CHTF18: variants seen among roughly 807,000 people sequenced by gnomAD.
CHTF18 encodes chromosome transmission fidelity factor 18.
In CHTF18, 151 loss-of-function variants were observed where a neutral mutation model predicts 113.4. The observed-to-expected ratio is 1.33, with a 90% CI of 1.17 to 1.52. The LOEUF is 1.52. Ranked by LOEUF, CHTF18 falls within the 40% of genes most tolerant of loss-of-function variation. CHTF18 has a pLI of 0.00. For missense variants in CHTF18, 1,982 were observed against 1,381.6 expected (o/e 1.43, Z -6.89); for synonymous variants, 916 against 598.8 (o/e 1.53, Z -7.74).
chr16:796,998 G>A lies in CHTF18; in HGVS notation c.2639G>A (p.Gly880Glu). Reference sequence around the variant, plus strand: ...CCCCCAGGGCTCGAGGGTCTGCTGGGGGGCATTGGGGAGAAAGGGGTGCAC... The same window carrying A: ...CCCCCAGGGCTCGAGGGTCTGCTGGAGGGCATTGGGGAGAAAGGGGTGCAC... ...GSPPGLEGLL[G>E]GIGEKGVHRP... The change falls in exon 20 of 22, where the codon GGG becomes GAG. Residue 880 changes from glycine (G) to glutamate (E), a missense_variant. By Grantham distance (98) the Gly-to-Glu change is moderately conservative. Transcript: ENST00000262315. The A allele has an allele frequency of 1.3e-6, 2 of 1,545,960 alleles. No individual in the cohort carries two copies. Among genetic ancestry groups the A allele is most frequent in the Admixed American group, 2.0e-5 (1 of 51,056 alleles).
At position 788,841 on chromosome 16, in the gene CHTF18, G is replaced by A. The variant is rs552832141; in HGVS notation, c.91+66G>A. 111 of 1,531,162 alleles carry A rather than the reference G, an allele frequency of 7.2e-5. No individual in the cohort carries two copies. The African/African-American group carries it at 1.3e-3, about 18-fold the overall frequency. 94.8% of individuals were successfully genotyped at this position (1,531,162 alleles called of 1,614,324 possible). On this transcript the variant is annotated intron_variant, in intron 1 of 21. Coordinates refer to ENST00000262315, the MANE Select transcript of CHTF18 (RefSeq NM_022092.3). ...GCCGGGACAGTGGCGACCTCGGGGA[G>A]GGCGTGCCGGGGGCCGAAGGGGCCT...
intron 18 of CHTF18, 70 bp downstream of exon 18, chr16:796,147 G>T (rs752459818): frequency 1.2e-5 from 19 of 1,538,884 alleles, no homozygotes; most frequent in South Asian, 2.4e-5. Flanking sequence ...TTCAGGGCCC[G>T]CATGGGGCCA....
chr16:792,206 C>T lies in CHTF18; in HGVS notation c.1203-18C>T. ...GGGACGCCCACTGCCCTGACGACCC[C>T]TGACCTCCCCATTGCAGTGACGACC... On this transcript the variant is annotated intron_variant, in intron 9 of 21. Transcript: ENST00000262315. 1.3e-6 allele frequency: 2 copies of T among 1,566,214 alleles called. No homozygotes were observed. Among genetic ancestry groups the T allele is most frequent in the Non-Finnish European group, 1.7e-6 (2 of 1,155,854 alleles).
At position 796,663 on chromosome 16, in the gene CHTF18, T is replaced by C. The variant is rs898050063; in HGVS notation, c.2457-54T>C. 15 of 1,517,450 alleles carry C rather than the reference T, an allele frequency of 9.9e-6. No homozygotes were observed. The South Asian group carries it at 1.5e-4, about 15-fold the overall frequency. 94.0% of individuals were successfully genotyped at this position (1,517,450 alleles called of 1,614,324 possible). A position where few individuals can be genotyped will look rare whatever the true frequency, so the allele number is the denominator to read the frequency against. On this transcript the variant is annotated intron_variant, in intron 18 of 21. Coordinates refer to ENST00000262315, the MANE Select transcript of CHTF18 (RefSeq NM_022092.3). ...GCGGTTGGAGTGCCCGGCGGCTCTC[T>C]GGCCCTGAGCCTGGCCCCGCTGACC...
intron 3 of CHTF18, 52 bp from the exon 4 acceptor site, chr16:789,495 A>C (rs757449076): frequency 5.3e-5 from 83 of 1,556,410 alleles, no homozygotes; most frequent in Non-Finnish European, 6.9e-5. Context: ...ACCCATATCC[A>C]AGGGTGACCC....
intron 14 of CHTF18, 56 bp downstream of exon 14, chr16:793,330 G>A (rs542467777): frequency 1.1e-5 from 18 of 1,582,806 alleles, no homozygotes; most frequent in Admixed American, 5.3e-5. Flanking sequence ...ACCTCAGGAC[G>A]CTAGCCCTGT....
Position 790,270 on chromosome 16 carries a change from G to T in CHTF18, c.699+1G>T, listed in dbSNP as rs199680337. On this transcript the variant is annotated splice_donor_variant, in intron 5 of 21. Transcript: ENST00000262315. LOFTEE classifies it high-confidence loss of function. ...CCTGAAGAAGCAGGTCGACGGCGAGGTAGGGGCTGCGGGTTTGCTGGGGGG... is the reference window on the plus strand; with the variant it reads ...CCTGAAGAAGCAGGTCGACGGCGAGTTAGGGGCTGCGGGTTTGCTGGGGGG... 6.2e-7 allele frequency: 1 copy of T among 1,607,624 alleles called. No individual in the cohort carries two copies. Among genetic ancestry groups the T allele is most frequent in the African/African-American group, 1.3e-5 (1 of 74,812 alleles).
chr16:792,051 GGTGGGGGCCTGGGT>G, intron 9 of CHTF18, 103 bp downstream of exon 9: 1 of 1,544,848 alleles, frequency 6.5e-7, no homozygotes, highest in Admixed American at 2.0e-5. Flanking sequence ...TCTTGAGGGT[GGTGGGGGCCTGGGT>G]GTGTGGGCCG....
chr16:791,592 G>T, intron 8 of CHTF18: 1 of 1,432,006 alleles, frequency 7.0e-7, no homozygotes, highest in Non-Finnish European at 9.1e-7. Context: ...GATGATCTGG[G>T]TGGACGGTGG....
intron 9 of CHTF18, 23 bp from the exon 10 acceptor site, chr16:792,201 G>C (rs1367765344): frequency 6.4e-7 from 1 of 1,561,156 alleles, no homozygotes. Context: ...CTGCCCTGAC[G>C]ACCCCTGACC....
chr16:789,506 C>T (rs756362164), intron 3 of CHTF18, 41 bp from the exon 4 acceptor site: 6 of 1,563,484 alleles, frequency 3.8e-6, no homozygotes, highest in African/African-American at 1.4e-5. Flanking sequence ...AGGGTGACCC[C>T]ACGCTTGAGT....
In CHTF18 at chr16:792,998, A is replaced by G. The variant is rs1057466562; in HGVS notation, c.1605A>G (p.Pro535=). 3 of 1,555,616 alleles carry G rather than the reference A, an allele frequency of 1.9e-6. No homozygotes were observed. The African/African-American group carries it at 4.1e-5, about 21-fold the overall frequency. The part of the protein sequence containing the change: ...VSLRQGMRAD[P]GVLAALCEKT... ...TGCGGCAGGGCATGAGGGCCGACCC[A>G]GGGGTGCTGGCCGCCCTCTGTGAGA... Residue 535 remains proline (P), a synonymous_variant, in exon 13 of 22, where the codon CCA becomes CCG. Coordinates refer to ENST00000262315, the MANE Select transcript of CHTF18 (RefSeq NM_022092.3).
intron 9 of CHTF18, 69 bp from the exon 10 acceptor site, chr16:792,155 C>T: frequency 6.5e-7 from 1 of 1,530,690 alleles, no homozygotes; most frequent in Non-Finnish European, 8.8e-7. Flanking sequence ...ATGCGGCAGC[C>T]CCGGCCTTGG....
intron 8 of CHTF18, 135 bp downstream of exon 8, chr16:791,505 G>C: frequency 1.4e-6 from 2 of 1,443,430 alleles, no homozygotes; most frequent in South Asian, 1.5e-5. Context: ...AGCGCCATTA[G>C]CGTGAGTTAG....
In CHTF18 at chr16:789,304, G is replaced by C. The variant is rs184555764; in HGVS notation, c.381G>C (p.Pro127=). Residue 127 remains proline (P), a synonymous_variant, in exon 3 of 22, where the codon CCG becomes CCC. Transcript: ENST00000262315. ...AGCCGCCCCCTCCCGACTCCTCGCC[G>C]ACGGACATCACCCCGCCGCCGAGCC... ...MEEPPPPDSS[P]TDITPPPSPE... 2 of 1,598,492 alleles carry C rather than the reference G, an allele frequency of 1.3e-6. No homozygotes were observed. Among genetic ancestry groups the C allele is most frequent in the Non-Finnish European group, 1.7e-6 (2 of 1,173,972 alleles).
intron 19 of CHTF18, 27 bp from the exon 20 acceptor site, chr16:796,934 A>C (rs60372043): frequency 0.033 from 50,409 of 1,530,438 alleles, 2,473 homozygotes; most frequent in African/African-American, 0.18. Flanking sequence ...CTGTGTGGCC[A>C]GATCTCACAA....
At chr16:794,508 C>T (rs919223980) in intron 15 of CHTF18, among the ~76,000 whole-genome samples, 2 of 152,110 alleles carry the variant, frequency 1.3e-5, no homozygotes, top group African/African-American at 2.4e-5. Context: ...GACAGCCTGG[C>T]CTGGGGCTGC....
intron 3 of CHTF18, 45 bp downstream of exon 3, chr16:789,405 G>T (rs776027007): frequency 6.5e-7 from 1 of 1,541,284 alleles, no homozygotes; most frequent in Non-Finnish European, 8.7e-7. Context: ...TGTCCAGTGG[G>T]ACTCAGATGG....
chr16:792,833 G>C, intron 12 of CHTF18, 22 bp downstream of exon 12: 3 of 1,537,176 alleles, frequency 2.0e-6, no homozygotes, highest in South Asian at 1.2e-5. Flanking sequence ...CCCAGGAGCC[G>C]TGTGGCTGAT....
Sources: allele counts gnomAD v4.1 joint callset (sites outside exome capture counted in the v4.1 genomes callset), GRCh38; gene constraint gnomAD v4.1.1; transcripts MANE v1.5; gene names NCBI Gene and HGNC (gene_info 2026-07-23, HGNC 2026-07-21).